The following CEP164 variants were observed in gnomAD, a reference collection of about 807,000 sequenced individuals.
CEP164 encodes centrosomal protein of 164 kDa.
In CEP164, 162 loss-of-function variants were observed where a neutral mutation model predicts 182.7. The ratio of observed to expected loss-of-function variants is 0.89; its 90% CI spans 0.78 to 1.01. The LOEUF is 1.01. Ranked by LOEUF, CEP164 falls within the 50% of genes least tolerant of loss-of-function variation. The probability of loss-of-function intolerance (pLI) is 0.00; values close to 1 mark genes in which losing one functional copy is unlikely to be tolerated. For missense variants in CEP164, 1,735 were observed against 1,790.4 expected, an observed-to-expected ratio of 0.97 and a Z score of 0.56; for synonymous variants, 661 against 690.0, an observed-to-expected ratio of 0.96 and a Z score of 0.66.
At chr11:117,408,768 G>A (rs1346813558) in intron 28 of CEP164, 122 bp from the exon 29 acceptor site, 1 of 1,298,106 alleles carries the variant, frequency 7.7e-7, no homozygotes, top group African/African-American at 1.5e-5. Flanking sequence ...AAGAAAACCA[G>A]CTTAAAGACA....
In CEP164 at chr11:117,382,922, C is replaced by T. The variant is rs755780242; in HGVS notation, c.1704C>T (p.Thr568=). 12 of 1,609,544 alleles carry T rather than the reference C, an allele frequency of 7.5e-6. No individual in the cohort carries two copies. Among genetic ancestry groups the T allele is most frequent in the Admixed American group, 1.7e-5 (1 of 59,860 alleles). Residue 568 remains threonine (T), a synonymous_variant, in exon 14 of 33, where the codon ACC becomes ACT. Transcript: ENST00000278935. The part of the protein sequence containing the change: ...DPEEKVAVSP[T]PPVSPEVRST... ...AGGAGAAGGTGGCGGTCAGCCCCAC[C>T]CCGCCAGTCTCTCCAGAGGTGTAAG...
chr11:117,383,556 C>T (rs1005587413), intron 14 of CEP164, among the ~76,000 whole-genome samples: 5 of 152,204 alleles, frequency 3.3e-5, no homozygotes, highest in African/African-American at 9.7e-5. Context: ...GTGTTCAAAG[C>T]TCAGTGTGTT....
At position 117,363,485 on chromosome 11, in the gene CEP164, G is replaced by A. The variant is rs1400167035; in HGVS notation, c.744G>A (p.Leu248=). 6.2e-6 allele frequency: 10 copies of A among 1,612,416 alleles called. No individual in the cohort carries two copies. Among genetic ancestry groups the A allele is most frequent in the African/African-American group, 1.3e-5 (1 of 75,026 alleles). ...ACCTACACCTGGACATTGGGGCACT[G>A]GGGGGTGACTTTGAGTATGAGGTAA... is the stretch of plus-strand genomic sequence containing the variant. ...LRNLHLDIGA[L]GGDFEYEESL... The change falls in exon 8 of 33, where the codon CTG becomes CTA. Residue 248 remains leucine, a synonymous_variant. Transcript: ENST00000278935.
rs745919793 is a variant in CEP164 at position 117,393,068 on chromosome 11, AGATGAAGGAGGAGCACCAGCAAGT to A, written c.2563_2586del (p.Lys855_Met862del). On this transcript the variant is annotated inframe_deletion, in exon 20 of 33. Transcript: ENST00000278935. ...GGGGAGCATGAGAGGAGGTTGGACA[AGATGAAGGAGGAGCACCAGCAAGT>A]GATGGCTAAGGCCAGAGAGCAGTAT... is the stretch of plus-strand genomic sequence containing the variant. 6.2e-7 allele frequency: 1 copy of A among 1,613,824 alleles called. No individual in the cohort carries two copies. The highest frequency in any genetic ancestry group is 1.7e-5 in the Admixed American group (1 of 60,024).
chr11:117,410,873 G>C lies in CEP164; in HGVS notation c.4142G>C (p.Arg1381Thr). The change falls in exon 31 of 33, where the codon AGG becomes ACG. Residue 1381 changes from arginine (R) to threonine (T), a missense_variant. Arg to Thr is a moderately conservative substitution (Grantham distance 71, BLOSUM62 -1). Transcript: ENST00000278935. ...LSNSPTPLES[R>T]LGYMSASEQL... is the part of the protein sequence containing the mutation. ...AACAGCCCCACCCCGCTGGAGAGCA[G>C]GCTGGGTTACATGTCTGCCAGGTGA... 1.2e-6 allele frequency: 2 copies of C among 1,613,320 alleles called. No homozygotes were observed. The highest frequency in any genetic ancestry group is 1.7e-6 in the Non-Finnish European group (2 of 1,179,708).
At chr11:117,341,151 G>T (rs2038053290) in intron 3 of CEP164, among the ~76,000 whole-genome samples, 1 of 152,112 alleles carries the variant, frequency 6.6e-6, no homozygotes, top group Non-Finnish European at 1.5e-5. Flanking sequence ...TCTTAAATTT[G>T]TATACATTTG....
intron 27 of CEP164, among the ~76,000 whole-genome samples, chr11:117,398,353 A>G (rs764704562): frequency 1.3e-5 from 2 of 152,220 alleles, no homozygotes; most frequent in Non-Finnish European, 2.9e-5. Flanking sequence ...GGCATTGAGT[A>G]TCTGCGGCTT....
At chr11:117,375,508 A>G (rs2042647472) in intron 10 of CEP164, among the ~76,000 whole-genome samples, 200 bp from the exon 11 acceptor site, 1 of 152,250 alleles carries the variant, frequency 6.6e-6, no homozygotes, top group African/African-American at 2.4e-5. Context: ...TTAACATTTT[A>G]CCATACTTGC....
chr11:117,403,221 C>G (rs948346188), intron 27 of CEP164, among the ~76,000 whole-genome samples: 1 of 152,192 alleles, frequency 6.6e-6, no homozygotes, highest in East Asian at 1.9e-4. Context: ...ATGATGCTAG[C>G]TGGTTATTTT....
intron 8 of CEP164, among the ~76,000 whole-genome samples, chr11:117,363,759 CTTT>C (rs72255760): frequency 1.7e-4 from 10 of 58,440 alleles, no homozygotes; most frequent in African/African-American, 6.0e-4. Flanking sequence ...ACCTCCAATG[CTTT>C]TTTTTTTTTT....
At chr11:117,369,345 C>T (rs913802839) in intron 8 of CEP164, among the ~76,000 whole-genome samples, 6 of 152,186 alleles carry the variant, frequency 3.9e-5, no homozygotes, top group African/African-American at 1.4e-4. Flanking sequence ...AACTGAGGCA[C>T]ATAGAAGTAA....
intron 19 of CEP164, 58 bp from the exon 20 acceptor site, chr11:117,392,946 C>T (rs2044873491): frequency 1.9e-6 from 3 of 1,605,192 alleles, no homozygotes; most frequent in African/African-American, 1.3e-5. Flanking sequence ...GTGCAGCAGG[C>T]CCTGAGTGCT....
chr11:117,334,017 G>C (rs1053645757), intron 1 of CEP164, among the ~76,000 whole-genome samples: 1 of 152,094 alleles, frequency 6.6e-6, no homozygotes, highest in Non-Finnish European at 1.5e-5. Flanking sequence ...TCATCATTCA[G>C]TTCTCAGTGT....
At chr11:117,352,373 T>G (rs1483181990) in intron 5 of CEP164, among the ~76,000 whole-genome samples, 1 of 152,166 alleles carries the variant, frequency 6.6e-6, no homozygotes, top group Non-Finnish European at 1.5e-5. Context: ...GTCCTTTCTC[T>G]TTATTCAGAG....
At chr11:117,386,101 T>G (rs2043919639) in intron 14 of CEP164, 1 of 152,214 alleles carries the variant, frequency 6.6e-6, no homozygotes, top group Non-Finnish European at 1.5e-5. Context: ...CCTCTTTGTT[T>G]TGGATCATGC....
chr11:117,405,807 G>C (rs907450431), intron 27 of CEP164, among the ~76,000 whole-genome samples: 2 of 152,154 alleles, frequency 1.3e-5, no homozygotes, highest in African/African-American at 4.8e-5. Flanking sequence ...AATCTCTAGG[G>C]CTGGAGCAAA....
At chr11:117,369,704 G>A (rs2042007550) in intron 8 of CEP164, among the ~76,000 whole-genome samples, 1 of 152,232 alleles carries the variant, frequency 6.6e-6, no homozygotes, top group Non-Finnish European at 1.5e-5. Context: ...CCAAGTGTTA[G>A]CACAGATGTT....
intron 18 of CEP164, 90 bp downstream of exon 18, chr11:117,392,393 G>T (rs934620693): frequency 2.6e-5 from 40 of 1,562,360 alleles, no homozygotes; most frequent in Non-Finnish European, 3.4e-5. Flanking sequence ...TCTCTCTCCA[G>T]CCCTGGGGGA....
At chr11:117,336,954 G>A (rs2037238095) in intron 2 of CEP164, among the ~76,000 whole-genome samples, 2 of 152,022 alleles carry the variant, frequency 1.3e-5, no homozygotes, top group Admixed American at 6.6e-5. Flanking sequence ...GGGGAGAGTT[G>A]GTGGGAACTG....
Sources: allele counts gnomAD v4.1 joint callset (sites outside exome capture counted in the v4.1 genomes callset), GRCh38; gene constraint gnomAD v4.1.1; transcripts MANE v1.5; gene names NCBI Gene and HGNC (gene_info 2026-07-23, HGNC 2026-07-21).